The following COL13A1 variants were observed in gnomAD, a reference collection of about 807,000 sequenced individuals.
COL13A1 encodes collagen type XIII alpha 1 chain.
A neutral mutation model predicts 130.9 loss-of-function variants in COL13A1; 89 were observed. The observed-to-expected ratio is 0.68, with a 90% CI of 0.57 to 0.81. The LOEUF is 0.81. Ranked by LOEUF, COL13A1 falls within the 30% of genes least tolerant of loss-of-function variation. COL13A1 has a pLI of 0.00. For missense variants in COL13A1, 879 were observed against 934.6 expected (o/e 0.94, Z 0.78); for synonymous variants, 402 against 341.6 (o/e 1.18, Z -1.95).
intron 13 of COL13A1, chr10:69,897,625 G>C: frequency 7.2e-7 from 1 of 1,392,408 alleles, no homozygotes; most frequent in Non-Finnish European, 1.0e-6. Context: ...CCCCGGCAGT[G>C]GGAGCGGGTG....
chr10:69,867,418 GT>G (rs1468358041), intron 2 of COL13A1, among the ~76,000 whole-genome samples: 2 of 152,234 alleles, frequency 1.3e-5, no homozygotes, highest in Non-Finnish European at 2.9e-5. Flanking sequence ...TACGGGATCT[GT>G]TATTTCCGCC....
chr10:69,895,712 C>A, intron 13 of COL13A1, 136 bp downstream of exon 13: 1 of 941,262 alleles, frequency 1.1e-6, no homozygotes, highest in African/African-American at 1.6e-5. Flanking sequence ...GCCCTCTGCA[C>A]TCAGCAGTCA....
chr10:69,930,961 G>A (rs374672590), intron 30 of COL13A1, among the ~76,000 whole-genome samples: 2 of 152,210 alleles, frequency 1.3e-5, no homozygotes, highest in Admixed American at 6.5e-5. Context: ...ACAGAAACGG[G>A]GCCTTCGCCC....
rs564891970 is a variant in COL13A1, at chr10:69,837,607, C to T, written c.364+15169C>T. On this transcript the variant is annotated intron_variant, in intron 2 of 40. Coordinates refer to ENST00000645393, the MANE Select transcript of COL13A1 (RefSeq NM_001368882.1). Reference sequence around the variant, plus strand: ...ATGAAGTCAGATCCAGCCTCTTCTGCGCTTACCCTGGTACATTTTCCCACT... The same window carrying T: ...ATGAAGTCAGATCCAGCCTCTTCTGTGCTTACCCTGGTACATTTTCCCACT... Among the ~76,000 whole-genome samples the T allele has an allele frequency of 1.1e-3, 163 of 152,340 alleles. 1 individual carries two copies. Among genetic ancestry groups the T allele is most frequent in the Admixed American group, 2.5e-3 (38 of 15,302 alleles).
chr10:69,885,750 G>A (rs936911256), intron 7 of COL13A1, among the ~76,000 whole-genome samples: 1 of 152,188 alleles, frequency 6.6e-6, no homozygotes, highest in Non-Finnish European at 1.5e-5. Flanking sequence ...ACACTGGGAG[G>A]CTTCAGAGAT....
intron 10 of COL13A1, among the ~76,000 whole-genome samples, chr10:69,890,674 A>T (rs2061086072): frequency 1.3e-5 from 2 of 152,372 alleles, no homozygotes; most frequent in South Asian, 4.1e-4. Flanking sequence ...CCTGGGCTCC[A>T]GCCTAGCTCT....
chr10:69,803,314 C>G (rs1428420279), intron 1 of COL13A1, among the ~76,000 whole-genome samples: 1 of 152,244 alleles, frequency 6.6e-6, no homozygotes, highest in Non-Finnish European at 1.5e-5. Context: ...TTTTCCTAAA[C>G]CAGGTTTCTT....
rs180822335 is a variant in COL13A1, at chr10:69,950,109, T to C, written c.2058+2767T>C. On this transcript the variant is annotated intron_variant, in intron 38 of 40. Transcript: ENST00000645393. ...CTGCTTCTCCCCCCAGATATGTTCA[T>C]TCCGTTATAATAGTCCCACGTCCTT... 5.7e-3 allele frequency among the ~76,000 whole-genome samples: 865 copies of C among 151,960 alleles called. 5 individuals carry two copies. Among genetic ancestry groups the C allele is most frequent in the Non-Finnish European group, 8.8e-3 (598 of 67,920 alleles).
chr10:69,894,220 G>T lies in COL13A1; in HGVS notation c.604-332G>T, dbSNP rs150658790. Reference sequence around the variant, plus strand: ...ATGTGCTAGTGTCTCCCAGAGGCTTGATGCATGTGAGGTAGGGGGTCCCAT... The same window carrying T: ...ATGTGCTAGTGTCTCCCAGAGGCTTTATGCATGTGAGGTAGGGGGTCCCAT... On this transcript the variant is annotated intron_variant, in intron 10 of 40. Transcript: ENST00000645393. 6.7e-3 allele frequency among the ~76,000 whole-genome samples: 1,020 copies of T among 152,346 alleles called. 14 individuals are homozygous for T. Among genetic ancestry groups the T allele is most frequent in the African/African-American group, 0.023 (964 of 41,574 alleles).
Position 69,802,335 on chromosome 10 carries a change from GC to G in COL13A1, c.-85del. 1 of 1,326,874 alleles carries G rather than the reference GC, an allele frequency of 7.5e-7. No homozygotes were observed. The allele number at this position is 1,326,874 out of a possible 1,614,324, so 82.2% of individuals were successfully genotyped here. The stretch of plus-strand genomic sequence containing the variant: ...CCAGCGATACAAGCCCTTTCCCCCT[GC>G]CCCGCAGTTTGGATAGAGCCTTTTG... On this transcript the variant is annotated 5_prime_UTR_variant, in exon 1 of 41. Transcript: ENST00000645393.
intron 27 of COL13A1, among the ~76,000 whole-genome samples, chr10:69,927,551 T>C (rs2065535745): frequency 6.6e-6 from 1 of 152,198 alleles, no homozygotes; most frequent in Admixed American, 6.5e-5. Context: ...TTATCTGCAC[T>C]TGGAAAACCA....
In COL13A1 at chr10:69,881,420, G is replaced by A. The variant is rs2060128119; in HGVS notation, c.513+867G>A. On this transcript the variant is annotated intron_variant, in intron 7 of 40. Transcript: ENST00000645393. ...CCTGACCCGCCGTGCTCAGTGAGGG[G>A]TGGGAGCAGAGGGCTAGCCTCTGGG... Among the ~76,000 whole-genome samples, 4 of 152,306 alleles carry A rather than the reference G, an allele frequency of 2.6e-5. No homozygotes were observed. The South Asian group carries it at 8.3e-4, about 32-fold the overall frequency.
At chr10:69,808,365 G>A (rs962336459) in intron 1 of COL13A1, among the ~76,000 whole-genome samples, 3 of 152,172 alleles carry the variant, frequency 2.0e-5, no homozygotes, top group African/African-American at 7.2e-5. Flanking sequence ...CTCTCTCCCT[G>A]CTCCAACTTC....
At chr10:69,910,498 C>G (rs1466100549) in intron 17 of COL13A1, among the ~76,000 whole-genome samples, 1 of 152,252 alleles carries the variant, frequency 6.6e-6, no homozygotes, top group Non-Finnish European at 1.5e-5. Flanking sequence ...CCACCACCAC[C>G]CCCAGCAGCT....
rs573668102 is a variant in COL13A1 at position 69,858,115 on chromosome 10, C to CAAAAAAAAAAAAAAA, written c.365-9677_365-9663dup. The stretch of plus-strand genomic sequence containing the variant: ...TGGGTGACAGAGCGAGACTCCGTCT[C>CAAAAAAAAAAAAAAA]AAAAAAAAAAAAAAAAAAAAGATTG... On this transcript the variant is annotated intron_variant, in intron 2 of 40. Coordinates refer to ENST00000645393, the MANE Select transcript of COL13A1 (RefSeq NM_001368882.1). Among the ~76,000 whole-genome samples the CAAAAAAAAAAAAAAA allele has an allele frequency of 5.5e-3, 438 of 80,340 alleles. 36 individuals are homozygous for CAAAAAAAAAAAAAAA. Among genetic ancestry groups the CAAAAAAAAAAAAAAA allele is most frequent in the Middle Eastern group, 0.011 (1 of 88 alleles). The allele number at this position is 80,340 out of a possible 152,430, so 52.7% of individuals were successfully genotyped here.
rs151324251 is a variant in COL13A1, at chr10:69,918,719, A to G, written c.1000-343A>G. On this transcript the variant is annotated intron_variant, in intron 19 of 40. Transcript: ENST00000645393. The stretch of plus-strand genomic sequence containing the variant: ...GGCAGATGTGAGGACAGCCTGGAAA[A>G]ACAAGTGCTCAAATTCTATCTTCAC... Among the ~76,000 whole-genome samples, 528 of 152,314 alleles carry G rather than the reference A, an allele frequency of 3.5e-3. 4 individuals are homozygous for G. The highest frequency in any genetic ancestry group is 0.012 in the African/African-American group (491 of 41,566).
At chr10:69,845,966 A>G (rs1852918761) in intron 2 of COL13A1, among the ~76,000 whole-genome samples, 1 of 152,242 alleles carries the variant, frequency 6.6e-6, no homozygotes, top group Non-Finnish European at 1.5e-5. Context: ...GGTTTCCTGG[A>G]GGCAGGGACA....
chr10:69,910,368 C>T (rs1424411032), intron 17 of COL13A1, among the ~76,000 whole-genome samples: 2 of 152,000 alleles, frequency 1.3e-5, no homozygotes, highest in Non-Finnish European at 2.9e-5. Context: ...TGAGCGGGAC[C>T]TGTGGGGTAA....
At chr10:69,948,269 GC>G (rs1231597245) in intron 38 of COL13A1, among the ~76,000 whole-genome samples, 1 of 152,212 alleles carries the variant, frequency 6.6e-6, no homozygotes, top group African/African-American at 2.4e-5. Context: ...GCTGATCTTT[GC>G]ACACTGATAC....
Sources: allele counts gnomAD v4.1 joint callset (sites outside exome capture counted in the v4.1 genomes callset), GRCh38; gene constraint gnomAD v4.1.1; transcripts MANE v1.5; gene names NCBI Gene and HGNC (gene_info 2026-07-23, HGNC 2026-07-21).